Variants in PCDHB6 observed in about 807,000 individuals in gnomAD.
PCDHB6 encodes protocadherin beta 6, also known as protocadherin beta-6.
For missense variants in PCDHB6, 1,137 were observed against 1,010.1 expected, an observed-to-expected ratio of 1.13 and a Z score of -1.70; for synonymous variants, 506 against 459.0, an observed-to-expected ratio of 1.10 and a Z score of -1.31.
At position 141,151,890 on chromosome 5, in the gene PCDHB6, G is replaced by A; in HGVS notation, c.1633G>A (p.Val545Met). 6.2e-7 allele frequency: 1 copy of A among 1,611,946 alleles called. No individual in the cohort carries two copies. Among genetic ancestry groups the A allele is most frequent in the East Asian group, 2.2e-5 (1 of 44,868 alleles). ...CCCGGCGTTGAGCAGCGAGGCGCTG[G>A]TGCGCTTGCTGGTGCTGGACGCCAA... ...GSPALSSEAL[V>M]RLLVLDANDN... Residue 545 changes from valine to methionine, a missense_variant, in exon 1 of 1, where the codon GTG becomes ATG. Transcript: ENST00000231136.
rs949885547 is a variant in PCDHB6 at position 141,153,241 on chromosome 5, T to C, written c.*599T>C. 4 of 165,954 alleles carry C rather than the reference T, an allele frequency of 2.4e-5. No individual in the cohort carries two copies. The highest frequency in any genetic ancestry group is 5.9e-5 in the Non-Finnish European group (4 of 68,084). The allele number at this position is 165,954 out of a possible 1,614,324, so 10.3% of individuals were successfully genotyped here. A position where few individuals can be genotyped will look rare whatever the true frequency, so the allele number is the denominator to read the frequency against. On this transcript the variant is annotated 3_prime_UTR_variant, in exon 1 of 1. Transcript: ENST00000231136. ...TGATGGTCTTTTTTTAAAAAAAAAG[T>C]CGTGCCAATTATAAGTGCTTAATAA...
Position 141,151,268 on chromosome 5 carries a change from C to G in PCDHB6, c.1011C>G (p.Asp337Glu), listed in dbSNP as rs782630963. The G allele has an allele frequency of 1.2e-6, 2 of 1,614,126 alleles. No homozygotes were observed. Among genetic ancestry groups the G allele is most frequent in the Admixed American group, 3.3e-5 (2 of 60,020 alleles). The change falls in exon 1 of 1, where the codon GAC becomes GAG. Residue 337 changes from aspartate (D) to glutamate (E), a missense_variant. Transcript: ENST00000231136. ...GKCSLVVRVL[D>E]VNDNAPELTM... ...GCTCTTTAGTCGTCAGGGTCCTGGACGTGAATGACAATGCCCCTGAACTCA... is the reference window on the plus strand; with the variant it reads ...GCTCTTTAGTCGTCAGGGTCCTGGAGGTGAATGACAATGCCCCTGAACTCA...
Position 141,151,875 on chromosome 5 carries a change from A to G in PCDHB6, c.1618A>G (p.Ser540Gly). The change falls in exon 1 of 1, where the codon AGC becomes GGC. Residue 540 changes from serine (S) to glycine (G), a missense_variant. Transcript: ENST00000231136. ...GATDRGSPAL[S>G]SEALVRLLVL... ...CACAGACCGCGGCTCCCCGGCGTTG[A>G]GCAGCGAGGCGCTGGTGCGCTTGCT... 1.2e-6 allele frequency: 2 copies of G among 1,612,078 alleles called. No homozygotes were observed.
Position 141,152,324 on chromosome 5 carries a change from G to A in PCDHB6, c.2067G>A (p.Val689=). The change falls in exon 1 of 1, where the codon GTG becomes GTA. Residue 689 remains valine (V), a synonymous_variant. Transcript: ENST00000231136. ...CCGACTCTCTCACCGTCTACCTGGT[G>A]GTGGCGTTGGCCTCGGTGTCGTCGC... ...AQADSLTVYL[V]VALASVSSLF... 1.2e-6 allele frequency: 2 copies of A among 1,609,302 alleles called. No individual in the cohort carries two copies. Among genetic ancestry groups the A allele is most frequent in the Non-Finnish European group, 1.7e-6 (2 of 1,179,850 alleles).
chr5:141,151,853 A>G lies in PCDHB6; in HGVS notation c.1596A>G (p.Thr532=), dbSNP rs1307173887. 16 of 1,612,296 alleles carry G rather than the reference A, an allele frequency of 9.9e-6. No individual in the cohort carries two copies. The highest frequency in any genetic ancestry group is 1.2e-5 in the Non-Finnish European group (14 of 1,179,842). ...CTTTCGAGTTCCGCGTGGGCGCCAC[A>G]GACCGCGGCTCCCCGGCGTTGAGCA... is the stretch of plus-strand genomic sequence containing the variant. ...LQSFEFRVGA[T]DRGSPALSSE... The change falls in exon 1 of 1, where the codon ACA becomes ACG. Residue 532 remains threonine, a synonymous_variant. Transcript: ENST00000231136.
Position 141,151,274 on chromosome 5 carries a change from T to C in PCDHB6, c.1017T>C (p.Asn339=). The C allele has an allele frequency of 6.2e-7, 1 of 1,614,152 alleles. No homozygotes were observed. The highest frequency in any genetic ancestry group is 1.3e-5 in the African/African-American group (1 of 75,020). The change falls in exon 1 of 1, where the codon AAT becomes AAC. Residue 339 remains asparagine, a synonymous_variant. Coordinates refer to ENST00000231136, the MANE Select transcript of PCDHB6 (RefSeq NM_018939.4). ...CSLVVRVLDV[N]DNAPELTMSF... ...TAGTCGTCAGGGTCCTGGACGTGAA[T>C]GACAATGCCCCTGAACTCACCATGT...
In PCDHB6 at chr5:141,151,841, C is replaced by T. The variant is rs782304474; in HGVS notation, c.1584C>T (p.Arg528=). 1 of 1,612,632 alleles carries T rather than the reference C, an allele frequency of 6.2e-7. No homozygotes were observed. The highest frequency in any genetic ancestry group is 2.2e-5 in the East Asian group (1 of 44,878). Residue 528 remains arginine, a synonymous_variant, in exon 1 of 1, where the codon CGC becomes CGT. Coordinates refer to ENST00000231136, the MANE Select transcript of PCDHB6 (RefSeq NM_018939.4). ...DYEALQSFEF[R]VGATDRGSPA... is the part of the protein sequence containing the mutation. ...AGGCCCTGCAGTCTTTCGAGTTCCG[C>T]GTGGGCGCCACAGACCGCGGCTCCC...
chr5:141,151,393 T>C lies in PCDHB6; in HGVS notation c.1136T>C (p.Val379Ala). ...SDADSGHNQQ[V>A]ICSIENNLPF... Reference sequence around the variant, plus strand: ...GCAGACTCTGGACATAACCAACAGGTTATTTGTTCAATAGAGAACAATCTC... The same window carrying C: ...GCAGACTCTGGACATAACCAACAGGCTATTTGTTCAATAGAGAACAATCTC... The change falls in exon 1 of 1, where the codon GTT (valine) becomes GCT (alanine). Residue 379 changes from valine to alanine, a missense_variant. Transcript: ENST00000231136. 1.2e-6 allele frequency: 2 copies of C among 1,614,100 alleles called. No homozygotes were observed. Among genetic ancestry groups the C allele is most frequent in the South Asian group, 2.2e-5 (2 of 91,066 alleles).
At position 141,151,137 on chromosome 5, in the gene PCDHB6, G is replaced by A. The variant is rs35620136; in HGVS notation, c.880G>A (p.Ala294Thr). 1.2e-6 allele frequency: 2 copies of A among 1,614,048 alleles called. No homozygotes were observed. Among genetic ancestry groups the A allele is most frequent in the African/African-American group, 1.3e-5 (1 of 74,936 alleles). ...CGTCAACCAACCCTTCGAAATAAAC[G>A]CAATCACAGGAGAAATTCGGCTGAG... ...DDVNQPFEIN[A>T]ITGEIRLRKA... Residue 294 changes from alanine (A) to threonine (T), a missense_variant, in exon 1 of 1, where the codon GCA (alanine) becomes ACA (threonine). Transcript: ENST00000231136.
rs373141144 is a variant in PCDHB6, at chr5:141,152,059, C to G, written c.1802C>G (p.Ser601Trp). The G allele has an allele frequency of 1.9e-6, 3 of 1,607,182 alleles. No individual in the cohort carries two copies. Among genetic ancestry groups the G allele is most frequent in the Non-Finnish European group, 1.7e-6 (2 of 1,179,594 alleles). Residue 601 changes from serine to tryptophan, a missense_variant, in exon 1 of 1, where the codon TCG becomes TGG. Coordinates refer to ENST00000231136, the MANE Select transcript of PCDHB6 (RefSeq NM_018939.4). Reference protein sequence around the residue: ...DGDSGQNAWLSYQLLKATELG... With the variant: ...DGDSGQNAWLWYQLLKATELG... Reference sequence around the variant, plus strand: ...GACTCGGGCCAGAACGCCTGGCTGTCGTACCAGCTGCTCAAGGCCACGGAG... The same window carrying G: ...GACTCGGGCCAGAACGCCTGGCTGTGGTACCAGCTGCTCAAGGCCACGGAG...
chr5:141,151,573 T>C lies in PCDHB6; in HGVS notation c.1316T>C (p.Val439Ala), dbSNP rs782623021. The change falls in exon 1 of 1, where the codon GTC (valine) becomes GCC (alanine). Residue 439 changes from valine to alanine, a missense_variant. Transcript: ENST00000231136. ...LKTQQSITVQ[V>A]SDVNDNAPAF... ...ACCCAGCAGAGCATAACTGTGCAGG[T>C]CTCCGACGTCAATGACAACGCCCCC... 5.6e-6 allele frequency: 9 copies of C among 1,613,890 alleles called. No homozygotes were observed. In the Admixed American group the frequency reaches 1.5e-4, roughly 27 times the overall value.
chr5:141,151,005 G>T lies in PCDHB6; in HGVS notation c.748G>T (p.Val250Phe), dbSNP rs782034039. ...EFAQELYEAQ[V>F]PENNPLGSLV... ...TGCTCAGGAGCTCTATGAAGCACAA[G>T]TCCCTGAGAACAACCCCCTCGGCTC... Residue 250 changes from valine to phenylalanine, a missense_variant, in exon 1 of 1, where the codon GTC (valine) becomes TTC (phenylalanine). Coordinates refer to ENST00000231136, the MANE Select transcript of PCDHB6 (RefSeq NM_018939.4). The T allele has an allele frequency of 1.1e-5, 17 of 1,614,200 alleles. No homozygotes were observed. Among genetic ancestry groups the T allele is most frequent in the Non-Finnish European group, 1.4e-5 (17 of 1,180,040 alleles).
Position 141,151,294 on chromosome 5 carries a change from C to T in PCDHB6, c.1037C>T (p.Thr346Ile), listed in dbSNP as rs144190549. 18 of 1,613,982 alleles carry T rather than the reference C, an allele frequency of 1.1e-5. No individual in the cohort carries two copies. The African/African-American group carries it at 2.1e-4, about 19-fold the overall frequency. Reference protein sequence around the residue: ...LDVNDNAPELTMSFFISLIPE... With the variant: ...LDVNDNAPELIMSFFISLIPE... Reference sequence around the variant, plus strand: ...GTGAATGACAATGCCCCTGAACTCACCATGTCGTTCTTCATCAGCCTCATC... The same window carrying T: ...GTGAATGACAATGCCCCTGAACTCATCATGTCGTTCTTCATCAGCCTCATC... The change falls in exon 1 of 1, where the codon ACC becomes ATC. Residue 346 changes from threonine to isoleucine, a missense_variant. By Grantham distance (89) the Thr-to-Ile change is moderately conservative. Coordinates refer to ENST00000231136, the MANE Select transcript of PCDHB6 (RefSeq NM_018939.4).
At position 141,150,947 on chromosome 5, in the gene PCDHB6, G is replaced by C. The variant is rs782511644; in HGVS notation, c.690G>C (p.Gln230His). ...PRSGTSEIQI[Q>H]VLDINDNVPE... ...CAGGGACCTCCGAGATTCAGATCCAGGTTTTGGACATCAATGACAACGTCC... is the reference window on the plus strand; with the variant it reads ...CAGGGACCTCCGAGATTCAGATCCACGTTTTGGACATCAATGACAACGTCC... The change falls in exon 1 of 1, where the codon CAG becomes CAC. Residue 230 changes from glutamine to histidine, a missense_variant. Gln to His is a conservative substitution (Grantham distance 24, BLOSUM62 0). Coordinates refer to ENST00000231136, the MANE Select transcript of PCDHB6 (RefSeq NM_018939.4). The C allele has an allele frequency of 6.2e-7, 1 of 1,614,160 alleles. No individual in the cohort carries two copies. Among genetic ancestry groups the C allele is most frequent in the Non-Finnish European group, 8.5e-7 (1 of 1,180,000 alleles).
chr5:141,150,960 A>C lies in PCDHB6; in HGVS notation c.703A>C (p.Asn235His), dbSNP rs782204749. 1 of 1,614,128 alleles carries C rather than the reference A, an allele frequency of 6.2e-7. No homozygotes were observed. The highest frequency in any genetic ancestry group is 8.5e-7 in the Non-Finnish European group (1 of 1,180,026). Residue 235 changes from asparagine (N) to histidine (H), a missense_variant, in exon 1 of 1, where the codon AAT becomes CAT. Transcript: ENST00000231136. Reference protein sequence around the residue: ...SEIQIQVLDINDNVPEFAQEL... With the variant: ...SEIQIQVLDIHDNVPEFAQEL... ...GATTCAGATCCAGGTTTTGGACATC[A>C]ATGACAACGTCCCCGAGTTTGCTCA...
rs1326929029 is a variant in PCDHB6, at chr5:141,151,069, G to T, written c.812G>T (p.Gly271Val). Reference sequence around the variant, plus strand: ...GTCTCAGCCAGAGATTTAGATGCAGGATCGTTTGGGAAGGTATCTTACGCC... The same window carrying T: ...GTCTCAGCCAGAGATTTAGATGCAGTATCGTTTGGGAAGGTATCTTACGCC... ...ITVSARDLDA[G>V]SFGKVSYALF... Residue 271 changes from glycine to valine, a missense_variant, in exon 1 of 1, where the codon GGA (glycine) becomes GTA (valine). Gly to Val is a moderately radical substitution (Grantham distance 109). Transcript: ENST00000231136. 1 of 1,614,114 alleles carries T rather than the reference G, an allele frequency of 6.2e-7. No individual in the cohort carries two copies. Among genetic ancestry groups the T allele is most frequent in the Non-Finnish European group, 8.5e-7 (1 of 1,180,044 alleles).
chr5:141,152,361 T>C lies in PCDHB6; in HGVS notation c.2104T>C (p.Ser702Pro). Residue 702 changes from serine to proline, a missense_variant, in exon 1 of 1, where the codon TCG becomes CCG. By Grantham distance (74) the Ser-to-Pro change is moderately conservative. Coordinates refer to ENST00000231136, the MANE Select transcript of PCDHB6 (RefSeq NM_018939.4). The stretch of plus-strand genomic sequence containing the variant: ...CTCGGTGTCGTCGCTCTTCCTCTTT[T>C]CGGTGCTCCTGTTCGTGGCGGTGCG... ...LASVSSLFLF[S>P]VLLFVAVRLC... The C allele has an allele frequency of 2.5e-6, 4 of 1,610,924 alleles. No homozygotes were observed. Among genetic ancestry groups the C allele is most frequent in the Non-Finnish European group, 3.4e-6 (4 of 1,179,852 alleles).
In PCDHB6 at chr5:141,150,438, C is replaced by T. The variant is rs781940602; in HGVS notation, c.181C>T (p.Arg61Trp). The T allele has an allele frequency of 6.2e-7, 1 of 1,613,992 alleles. No homozygotes were observed. Among genetic ancestry groups the T allele is most frequent in the Middle Eastern group, 1.6e-4 (1 of 6,062 alleles). The stretch of plus-strand genomic sequence containing the variant: ...ACTGAGGGTGGGGGAGCTGGCTTCG[C>T]GGGGCGCTCGGGTTGTTTTCAAAGG... Reference protein sequence around the residue: ...LGLRVGELASRGARVVFKGNR... With the variant: ...LGLRVGELASWGARVVFKGNR... The change falls in exon 1 of 1, where the codon CGG becomes TGG. Residue 61 changes from arginine (R) to tryptophan (W), a missense_variant. Arg to Trp is a moderately radical substitution (Grantham distance 101). Coordinates refer to ENST00000231136, the MANE Select transcript of PCDHB6 (RefSeq NM_018939.4).
In PCDHB6 at chr5:141,152,636, C is replaced by A; in HGVS notation, c.2379C>A (p.Phe793Leu). ...ETPTSRNSFP[F>L]S ...CCACCTCTCGGAATAGCTTCCCGTT[C>A]AGTTAAGTGTGGGATTATTTTACTA... The change falls in exon 1 of 1, where the codon TTC becomes TTA. Residue 793 changes from phenylalanine (F) to leucine (L), a missense_variant. By Grantham distance (22) the Phe-to-Leu change is conservative. Coordinates refer to ENST00000231136, the MANE Select transcript of PCDHB6 (RefSeq NM_018939.4). 1 of 1,587,326 alleles carries A rather than the reference C, an allele frequency of 6.3e-7. No homozygotes were observed. Among genetic ancestry groups the A allele is most frequent in the Non-Finnish European group, 8.6e-7 (1 of 1,165,812 alleles).
Sources: allele counts gnomAD v4.1 joint callset, GRCh38; gene constraint gnomAD v4.1.1; transcripts MANE v1.5; gene names NCBI Gene and HGNC (gene_info 2026-07-23, HGNC 2026-07-21).